Variants in NBAS observed in about 807,000 individuals in gnomAD.
NBAS encodes the protein NAG/BC035112 fusion.
NBAS carries 219 observed loss-of-function variants against 302.5 expected under a neutral mutation model. That is an observed-to-expected ratio of 0.72 (90% CI 0.65 to 0.81). NBAS has a LOEUF of 0.81. Among genes scored for constraint, NBAS ranks in the 30% least tolerant of loss-of-function variants. The pLI, the probability that NBAS is intolerant of heterozygous loss-of-function variation, is 0.00. For missense variants in NBAS, 2,932 were observed against 2,841.6 expected (o/e 1.03, Z -0.72); for synonymous variants, 1,118 against 1,021.6 (o/e 1.09, Z -1.80).
rs528435751 is a variant in NBAS, at chr2:15,190,154, G to T, written c.6572+110C>A. Reference sequence around the variant, plus strand: ...TCCTCTAAAGGCAAATACTGACTACGCACACACATATAATTATTCTTTCAT... The same window carrying T: ...TCCTCTAAAGGCAAATACTGACTACTCACACACATATAATTATTCTTTCAT... On this transcript the variant is annotated intron_variant, in intron 49 of 51. Transcript: ENST00000281513. 3 of 1,234,672 alleles carry T rather than the reference G, an allele frequency of 2.4e-6. No homozygotes were observed. Among genetic ancestry groups the T allele is most frequent in the African/African-American group, 1.5e-5 (1 of 66,034 alleles). The allele number at this position is 1,234,672 out of a possible 1,614,324, so 76.5% of individuals were successfully genotyped here. A position where few individuals can be genotyped will look rare whatever the true frequency, so the allele number is the denominator to read the frequency against.
chr2:15,169,735 C>T (rs1664208116), intron 51 of NBAS, among the ~76,000 whole-genome samples: 1 of 152,202 alleles, frequency 6.6e-6, no homozygotes, highest in African/African-American at 2.4e-5. Flanking sequence ...TCCCCATGTC[C>T]AGAATGGGTG....
chr2:15,242,642 T>A (rs1032130711), intron 44 of NBAS, among the ~76,000 whole-genome samples: 1 of 150,324 alleles, frequency 6.7e-6, no homozygotes, highest in Non-Finnish European at 1.5e-5. Context: ...TGTACCAGAG[T>A]AAAAAAAATG....
the NBAS span, among the ~76,000 whole-genome samples, chr2:14,812,659 G>A: frequency 6.6e-6 from 1 of 152,150 alleles, no homozygotes; most frequent in African/African-American, 2.4e-5. Flanking sequence ...GACAGGCTAG[G>A]AATTTCAAAT....
Position 15,167,318 on chromosome 2 carries a change from A to T in NBAS, c.6846T>A (p.Asn2282Lys), listed in dbSNP as rs751942000. The T allele has an allele frequency of 6.2e-7, 1 of 1,614,086 alleles. No individual in the cohort carries two copies. Among genetic ancestry groups the T allele is most frequent in the Admixed American group, 1.7e-5 (1 of 60,004 alleles). ...LEQITAVTTV[N>K]DSNCDQELLS... is the part of the protein sequence containing the mutation. ...GAAGTTCTTGGTCACAATTGGAATCATTCACCTTCAAGAAATAAGACAGGC... is the reference window on the plus strand; with the variant it reads ...GAAGTTCTTGGTCACAATTGGAATCTTTCACCTTCAAGAAATAAGACAGGC... Residue 2282 changes from asparagine to lysine, a missense_variant, in exon 52 of 52, where the codon AAT (asparagine) becomes AAA (lysine). By Grantham distance (94) the Asn-to-Lys change is moderately conservative (BLOSUM62 0). Transcript: ENST00000281513.
At chr2:14,927,017 T>C in the NBAS span, among the ~76,000 whole-genome samples, 1 of 152,238 alleles carries the variant, frequency 6.6e-6, no homozygotes, top group Non-Finnish European at 1.5e-5. Context: ...CAGCTGGGCC[T>C]CATCCAATCA....
chr2:14,987,903 G>T, the NBAS span, among the ~76,000 whole-genome samples: 1 of 152,034 alleles, frequency 6.6e-6, no homozygotes, highest in African/African-American at 2.4e-5. Context: ...TCTTACCCCG[G>T]TATTCAAATC....
chr2:14,953,948 C>T, the NBAS span, among the ~76,000 whole-genome samples: 1 of 152,032 alleles, frequency 6.6e-6, no homozygotes, highest in Non-Finnish European at 1.5e-5. Flanking sequence ...TATCTGGGTG[C>T]CAGGGGTCAA....
the NBAS span, among the ~76,000 whole-genome samples, chr2:14,917,630 C>A: frequency 2.0e-5 from 3 of 152,194 alleles, no homozygotes; most frequent in African/African-American, 4.8e-5. Context: ...CAAAACTGGG[C>A]TTTCATGCAT....
chr2:14,829,343 G>A, the NBAS span, among the ~76,000 whole-genome samples: 6 of 151,942 alleles, frequency 3.9e-5, no homozygotes, highest in Non-Finnish European at 5.9e-5. Context: ...AATGAATGAG[G>A]GTGTTTCTCT....
At chr2:14,810,441 G>A in the NBAS span, among the ~76,000 whole-genome samples, 326 of 152,266 alleles carry the variant, frequency 2.1e-3, 2 homozygotes, top group Non-Finnish European at 1.1e-3. Flanking sequence ...CTCTCTCTTT[G>A]CCTGCTGCCA....
At chr2:15,143,233 G>A in the NBAS span, among the ~76,000 whole-genome samples, 2 of 152,196 alleles carry the variant, frequency 1.3e-5, no homozygotes, top group African/African-American at 4.8e-5. Flanking sequence ...CTGTGAAATC[G>A]ATTACGATCC....
At chr2:14,918,535 T>C in the NBAS span, among the ~76,000 whole-genome samples, 1 of 152,130 alleles carries the variant, frequency 6.6e-6, no homozygotes, top group Admixed American at 6.6e-5. Flanking sequence ...CAAGGAGAAT[T>C]ATAACAGGAT....
chr2:14,885,642 A>G, the NBAS span, among the ~76,000 whole-genome samples: 3 of 152,102 alleles, frequency 2.0e-5, no homozygotes, highest in Admixed American at 6.6e-5. Context: ...AGAGATTTTC[A>G]ATAGGGAAGA....
At chr2:14,966,640 C>G in the NBAS span, among the ~76,000 whole-genome samples, 4 of 152,208 alleles carry the variant, frequency 2.6e-5, no homozygotes, top group East Asian at 3.9e-4. Context: ...AATAAAAACC[C>G]TCAGCAAAGT....
chr2:15,091,144 AGGCTGTCTGTC>A, the NBAS span, among the ~76,000 whole-genome samples: 1 of 152,214 alleles, frequency 6.6e-6, no homozygotes, highest in Non-Finnish European at 1.5e-5. Context: ...ACCCAAGTCC[AGGCTGTCTGTC>A]GGTTAATACG....
chr2:14,877,764 CTATT>C, the NBAS span, among the ~76,000 whole-genome samples: 1 of 152,134 alleles, frequency 6.6e-6, no homozygotes, highest in African/African-American at 2.4e-5. Flanking sequence ...GCAGACACTA[CTATT>C]AATTAAGTCC....
intron 31 of NBAS, among the ~76,000 whole-genome samples, chr2:15,371,815 G>A (rs1456344987): frequency 6.6e-6 from 1 of 152,110 alleles, no homozygotes; most frequent in Non-Finnish European, 1.5e-5. Flanking sequence ...TGAGGAGGGA[G>A]GGGAAGAATC....
intron 47 of NBAS, 38 bp downstream of exon 47, chr2:15,232,384 G>A: frequency 6.3e-7 from 1 of 1,575,820 alleles, no homozygotes; most frequent in Middle Eastern, 1.7e-4. Flanking sequence ...TCTGAGGAAA[G>A]CCAGTTAATG....
At chr2:15,444,330 A>G (rs1368713051) in intron 21 of NBAS, among the ~76,000 whole-genome samples, 2 of 152,224 alleles carry the variant, frequency 1.3e-5, no homozygotes, top group Non-Finnish European at 2.9e-5. Context: ...AACAGAACAC[A>G]GCCCTCAGAA....
Sources: allele counts gnomAD v4.1 joint callset (sites outside exome capture counted in the v4.1 genomes callset), GRCh38; gene constraint gnomAD v4.1.1; transcripts MANE v1.5; gene names NCBI Gene and HGNC (gene_info 2026-07-23, HGNC 2026-07-21).